The following TAFA1 variants were observed in gnomAD, a reference collection of about 807,000 sequenced individuals.
TAFA1 encodes chemokine-like protein TAFA-1.
Under a neutral mutation model 18.5 loss-of-function variants are expected in TAFA1, and 4 were observed. The ratio of observed to expected loss-of-function variants is 0.22; its 90% CI spans 0.11 to 0.49. The LOEUF is 0.49. TAFA1 is among the 20% of genes least tolerant of loss of function. TAFA1 has a pLI of 0.98. For missense variants in TAFA1, 147 were observed against 169.0 expected, an observed-to-expected ratio of 0.87 and a Z score of 0.72; for synonymous variants, 56 against 55.2, an observed-to-expected ratio of 1.01 and a Z score of -0.06.
At chr3:68,272,690 A>G (rs548613933) in intron 2 of TAFA1, among the ~76,000 whole-genome samples, 2 of 152,326 alleles carry the variant, frequency 1.3e-5, no homozygotes, top group South Asian at 2.1e-4. Context: ...ATATTCAAAT[A>G]GGATCTAAAA....
intron 3 of TAFA1, among the ~76,000 whole-genome samples, chr3:68,492,696 C>G (rs6794799): frequency 0.94 from 142,879 of 152,248 alleles, 67,151 homozygotes; most frequent in East Asian, 1. Context: ...AAAAACAGAA[C>G]ATCAAGAATA....
At chr3:68,266,903 T>G (rs1003484227) in intron 2 of TAFA1, among the ~76,000 whole-genome samples, 15 of 151,846 alleles carry the variant, frequency 9.9e-5, no homozygotes, top group Non-Finnish European at 1.8e-4. Flanking sequence ...TAGTCTTTAA[T>G]GAGGCACATC....
intron 2 of TAFA1, among the ~76,000 whole-genome samples, chr3:68,253,763 G>T (rs1299504634): frequency 6.6e-6 from 1 of 152,112 alleles, no homozygotes; most frequent in Non-Finnish European, 1.5e-5. Context: ...TAAATTAGAA[G>T]GTTAGATGTT....
At chr3:68,350,075 T>C (rs554977759) in intron 2 of TAFA1, among the ~76,000 whole-genome samples, 1 of 152,230 alleles carries the variant, frequency 6.6e-6, no homozygotes, top group African/African-American at 2.4e-5. Flanking sequence ...TGCATATGTA[T>C]AGTTATTGCT....
chr3:68,087,587 C>T (rs1326308747), intron 2 of TAFA1, among the ~76,000 whole-genome samples: 2 of 140,958 alleles, frequency 1.4e-5, no homozygotes, highest in African/African-American at 5.2e-5. Flanking sequence ...TCCTTCCTTC[C>T]TTCCTTCCAT....
chr3:68,502,658 C>G (rs1406181517), intron 3 of TAFA1, among the ~76,000 whole-genome samples: 1 of 152,020 alleles, frequency 6.6e-6, no homozygotes, highest in Non-Finnish European at 1.5e-5. Context: ...CCCTGATTCT[C>G]CCCAGCCCCA....
At chr3:68,231,607 G>A (rs951518353) in intron 2 of TAFA1, among the ~76,000 whole-genome samples, 8 of 151,648 alleles carry the variant, frequency 5.3e-5, no homozygotes, top group South Asian at 2.1e-4. Context: ...TGATCCACCC[G>A]CCTCGGCCTC....
chr3:68,214,402 C>A, intron 2 of TAFA1, among the ~76,000 whole-genome samples: 1 of 152,070 alleles, frequency 6.6e-6, no homozygotes, highest in East Asian at 1.9e-4. Context: ...TTCTAAAATT[C>A]TCCCATTCAA....
At chr3:68,081,913 T>G (rs181595043) in intron 2 of TAFA1, among the ~76,000 whole-genome samples, 1,866 of 152,306 alleles carry the variant, frequency 0.012, 46 homozygotes, top group African/African-American at 0.043. Flanking sequence ...TCTCCCAGCC[T>G]CGCTGCCACC....
intron 2 of TAFA1, among the ~76,000 whole-genome samples, chr3:68,406,640 T>A (rs2070615883): frequency 6.6e-6 from 1 of 152,166 alleles, no homozygotes; most frequent in South Asian, 2.1e-4. Context: ...AAAGTCTACA[T>A]CAAGCAAGCA....
intron 2 of TAFA1, among the ~76,000 whole-genome samples, chr3:68,087,599 C>A (rs1247023876): frequency 4.4e-5 from 6 of 135,286 alleles, no homozygotes; most frequent in Admixed American, 3.3e-4. Context: ...TCCTTCCATT[C>A]TTCCTTCTTC....
chr3:68,043,574 T>G (rs1156469397), intron 2 of TAFA1, among the ~76,000 whole-genome samples: 3 of 152,252 alleles, frequency 2.0e-5, no homozygotes, highest in Admixed American at 6.5e-5. Flanking sequence ...TAGAATTTTC[T>G]ATGAGTTCTT....
At chr3:67,993,507 A>G in the TAFA1 span, among the ~76,000 whole-genome samples, 1 of 152,252 alleles carries the variant, frequency 6.6e-6, no homozygotes, top group Non-Finnish European at 1.5e-5. Context: ...TATATGAGTC[A>G]GGACTCCCTG....
At chr3:68,505,025 C>T (rs1399368992) in intron 3 of TAFA1, among the ~76,000 whole-genome samples, 2 of 152,000 alleles carry the variant, frequency 1.3e-5, no homozygotes. Flanking sequence ...AGTATGGCAG[C>T]CTATTAAGCA....
At chr3:68,228,087 G>C (rs1438047836) in intron 2 of TAFA1, among the ~76,000 whole-genome samples, 1 of 152,060 alleles carries the variant, frequency 6.6e-6, no homozygotes, top group African/African-American at 2.4e-5. Flanking sequence ...ATGCATTTGA[G>C]GTTTGCTCAT....
In TAFA1 at chr3:68,423,657, T is replaced by C. The variant is rs558868805; in HGVS notation, c.259+6237T>C. Among the ~76,000 whole-genome samples the C allele has an allele frequency of 2.6e-5, 4 of 152,214 alleles. No individual in the cohort carries two copies. The South Asian group carries it at 8.3e-4, about 32-fold the overall frequency. On this transcript the variant is annotated intron_variant, in intron 3 of 4. Coordinates refer to ENST00000478136, the MANE Select transcript of TAFA1 (RefSeq NM_213609.4). ...AAGCAGTTCTTTCAGTGCTTTTATTTTTATAGAATGATTGAAGCTTCATTG... is the reference window on the plus strand; with the variant it reads ...AAGCAGTTCTTTCAGTGCTTTTATTCTTATAGAATGATTGAAGCTTCATTG...
intron 3 of TAFA1, among the ~76,000 whole-genome samples, chr3:68,484,289 TTG>T (rs2072295593): frequency 6.6e-6 from 1 of 152,210 alleles, no homozygotes; most frequent in Non-Finnish European, 1.5e-5. Context: ...GGTTACCATG[TTG>T]AACAGCATAG....
intron 2 of TAFA1, among the ~76,000 whole-genome samples, chr3:68,100,282 C>G (rs1575616014): frequency 6.6e-6 from 1 of 152,144 alleles, no homozygotes; most frequent in Admixed American, 6.5e-5. Flanking sequence ...GTTAGGAGTT[C>G]AAGACCAGCC....
At chr3:68,487,723 G>A (rs934929058) in intron 3 of TAFA1, among the ~76,000 whole-genome samples, 8 of 143,958 alleles carry the variant, frequency 5.6e-5, no homozygotes, top group Non-Finnish European at 1.0e-4. Flanking sequence ...CTGCACTCCA[G>A]CCTGGGGGAC....
Sources: gnomAD v4.1 joint callset for allele counts (sites outside exome capture counted in the v4.1 genomes callset) on GRCh38, gnomAD v4.1.1 for gene constraint, MANE v1.5 for transcripts, NCBI Gene and HGNC (gene_info 2026-07-23, HGNC 2026-07-21) for gene names.